The following AUTS2 variants were observed in gnomAD, a reference collection of about 807,000 sequenced individuals.
The protein encoded by AUTS2 is activator of transcription and developmental regulator AUTS2, also known as autism susceptibility gene 2 protein.
AUTS2 carries 17 observed loss-of-function variants against 112.4 expected under a neutral mutation model. That is an observed-to-expected ratio of 0.15 (90% CI 0.10 to 0.23). The LOEUF (loss-of-function observed/expected upper bound fraction) is 0.23, where lower values mean the gene tolerates loss of function less well. Ranked by LOEUF, AUTS2 falls within the 10% of genes least tolerant of loss-of-function variation. The pLI is 1.00. For synonymous variants in AUTS2, 751 were observed against 702.7 expected (o/e 1.07, Z -1.09); for missense variants, 1,510 against 1,701.6 (o/e 0.89, Z 1.98).
Position 70,062,428 on chromosome 7 carries a change from G to A in AUTS2, c.523-55704G>A, listed in dbSNP as rs576958162. Among the ~76,000 whole-genome samples the A allele has an allele frequency of 2.6e-5, 4 of 151,096 alleles. No individual in the cohort carries two copies. In the South Asian group the frequency reaches 6.3e-4, roughly 24 times the overall value. ...CTCAGGAGGCTGAGGCAGGAGAATC[G>A]CTTGAACCCAGGAGGCAGAGGTTGC... On this transcript the variant is annotated intron_variant, in intron 2 of 18. Coordinates refer to ENST00000342771, the MANE Select transcript of AUTS2 (RefSeq NM_015570.4).
In AUTS2 at chr7:70,789,779, C is replaced by A; in HGVS notation, c.2563C>A (p.Pro855Thr). The A allele has an allele frequency of 6.2e-6, 10 of 1,613,994 alleles. No homozygotes were observed. The highest frequency in any genetic ancestry group is 8.5e-6 in the Non-Finnish European group (10 of 1,179,916). Residue 855 changes from proline (P) to threonine (T), a missense_variant, in exon 19 of 19, where the codon CCT becomes ACT. Pro to Thr is a conservative substitution (Grantham distance 38). Around this residue, in one of 3 missense-constraint regions of AUTS2, gnomAD observed 788 missense variants for 797.6 expected, o/e 0.99. Transcript: ENST00000342771. ...CGTCGAGAAGAGACACTCCAGCCAC[C>A]CTTCACCAGCACCTGTCCTCCCGGT... ...ESVEKRHSSH[P>T]SPAPVLPVNA...
chr7:70,535,454 G>A (rs1433642889), intron 5 of AUTS2, among the ~76,000 whole-genome samples: 1 of 151,558 alleles, frequency 6.6e-6, no homozygotes, highest in African/African-American at 2.4e-5. Flanking sequence ...TCACTCTGTC[G>A]CCCAGGCTAG....
chr7:70,190,526 C>T (rs1047793405), intron 4 of AUTS2, among the ~76,000 whole-genome samples: 4 of 152,160 alleles, frequency 2.6e-5, no homozygotes, highest in African/African-American at 9.7e-5. Context: ...GGGATGCTCA[C>T]CTCACAGGCT....
chr7:69,733,510 C>T (rs1786891400), intron 1 of AUTS2, among the ~76,000 whole-genome samples: 1 of 152,132 alleles, frequency 6.6e-6, no homozygotes, highest in Non-Finnish European at 1.5e-5. Flanking sequence ...TGAAATCCTC[C>T]TCTGAGAAGG....
intron 1 of AUTS2, among the ~76,000 whole-genome samples, chr7:69,747,840 C>G (rs550196085): frequency 6.9e-6 from 1 of 145,278 alleles, no homozygotes; most frequent in Admixed American, 6.9e-5. Context: ...AGAAAGTGTG[C>G]CAGAAATTAT....
chr7:69,926,548 T>C (rs1237184227), intron 2 of AUTS2, among the ~76,000 whole-genome samples: 5 of 151,986 alleles, frequency 3.3e-5, no homozygotes, highest in African/African-American at 1.2e-4. Context: ...TTATTATCTC[T>C]TTTAATTGGA....
chr7:70,550,135 A>C (rs1800959155), intron 5 of AUTS2, among the ~76,000 whole-genome samples: 1 of 152,180 alleles, frequency 6.6e-6, no homozygotes, highest in Non-Finnish European at 1.5e-5. Context: ...TACAGGGACA[A>C]ATCTTATGCT....
chr7:70,057,703 G>T (rs1163164653), intron 2 of AUTS2, among the ~76,000 whole-genome samples: 1 of 152,098 alleles, frequency 6.6e-6, no homozygotes, highest in Admixed American at 6.6e-5. Context: ...ACCCTCTGTT[G>T]TCCCTCTGTT....
intron 5 of AUTS2, among the ~76,000 whole-genome samples, chr7:70,686,047 A>T (rs1808461155): frequency 6.6e-6 from 1 of 152,162 alleles, no homozygotes; most frequent in Non-Finnish European, 1.5e-5. Context: ...TTCTTCTTTC[A>T]TAGTAAGCTC....
At chr7:69,903,014 AGC>A (rs1163016015) in intron 2 of AUTS2, among the ~76,000 whole-genome samples, 2 of 152,226 alleles carry the variant, frequency 1.3e-5, no homozygotes, top group Admixed American at 6.5e-5. Context: ...TATACAAAAT[AGC>A]GCATGTCTTT....
In AUTS2 at chr7:69,995,434, G is replaced by A. The variant is rs184897620; in HGVS notation, c.522+95936G>A. Reference sequence around the variant, plus strand: ...ATTTGGCCTTCGTGAATGCAAAGAAGAGGTAAAAAATAGAAATTAAATACC... The same window carrying A: ...ATTTGGCCTTCGTGAATGCAAAGAAAAGGTAAAAAATAGAAATTAAATACC... On this transcript the variant is annotated intron_variant, in intron 2 of 18. Transcript: ENST00000342771. 1.2e-4 allele frequency among the ~76,000 whole-genome samples: 19 copies of A among 152,302 alleles called. No individual in the cohort carries two copies. The East Asian group carries it at 2.3e-3, about 19-fold the overall frequency.
intron 5 of AUTS2, among the ~76,000 whole-genome samples, chr7:70,638,152 C>T (rs1805621768): frequency 6.6e-6 from 1 of 152,150 alleles, no homozygotes; most frequent in African/African-American, 2.4e-5. Flanking sequence ...AACTCCCCAT[C>T]TTTCTCCCCA....
At chr7:69,736,297 A>G (rs1787028747) in intron 1 of AUTS2, among the ~76,000 whole-genome samples, 1 of 152,144 alleles carries the variant, frequency 6.6e-6, no homozygotes, top group Non-Finnish European at 1.5e-5. Flanking sequence ...TGGTAAACCA[A>G]AGTCATCTCA....
At chr7:70,666,838 G>A (rs1364895674) in intron 5 of AUTS2, among the ~76,000 whole-genome samples, 4 of 152,028 alleles carry the variant, frequency 2.6e-5, no homozygotes, top group East Asian at 3.9e-4. Context: ...GGCTGATTGT[G>A]TTCCTGGGAG....
intron 5 of AUTS2, among the ~76,000 whole-genome samples, chr7:70,621,859 T>TC (rs1360852003): frequency 7.1e-6 from 1 of 141,702 alleles, no homozygotes; most frequent in East Asian, 2.0e-4. Context: ...TTTTTTTTTT[T>TC]TTTTTTGGAG....
rs111460611 is a variant in AUTS2, at chr7:70,238,178, T to C, written c.660+103607T>C. ...TCAAAGACTAAATCTGAGCAGATCT[T>C]GTCACCTGGGACTCGAGTGCTGCTT... On this transcript the variant is annotated intron_variant, in intron 4 of 18. Transcript: ENST00000342771. 4.3e-4 allele frequency among the ~76,000 whole-genome samples: 65 copies of C among 152,322 alleles called. 5 individuals are homozygous for C. Among genetic ancestry groups the C allele is most frequent in the African/African-American group, 1.5e-3 (61 of 41,576 alleles).
chr7:70,596,518 C>G (rs1213750388), intron 5 of AUTS2: 1 of 152,296 alleles, frequency 6.6e-6, no homozygotes, highest in African/African-American at 2.4e-5. Context: ...AACCTGCCCC[C>G]TGACGTGGAC....
intron 4 of AUTS2, among the ~76,000 whole-genome samples, chr7:70,376,086 T>C (rs1793072652): frequency 6.6e-6 from 1 of 152,020 alleles, no homozygotes; most frequent in Non-Finnish European, 1.5e-5. Flanking sequence ...GCTGCTTTCT[T>C]CCCAGATGGC....
chr7:70,600,328 T>C (rs1195270327), intron 5 of AUTS2, among the ~76,000 whole-genome samples: 1 of 152,212 alleles, frequency 6.6e-6, no homozygotes, highest in Non-Finnish European at 1.5e-5. Flanking sequence ...CAGGCTGGAG[T>C]GCGGTGGTGC....
Sources: allele counts gnomAD v4.1 joint callset (sites outside exome capture counted in the v4.1 genomes callset), GRCh38; gene constraint gnomAD v4.1.1; regional missense constraint gnomAD v4.1.1; transcripts MANE v1.5; gene names NCBI Gene and HGNC (gene_info 2026-07-23, HGNC 2026-07-21).